Variants in DIP2C observed in about 807,000 individuals in gnomAD.
DIP2C encodes disco-interacting protein 2 homolog C.
Under a neutral mutation model 192.4 loss-of-function variants are expected in DIP2C, and 33 were observed. That is an observed-to-expected ratio of 0.17 (90% CI 0.13 to 0.23). The LOEUF is 0.23. DIP2C is among the 10% of genes least tolerant of loss of function. The pLI, the probability that DIP2C is intolerant of heterozygous loss-of-function variation, is 1.00. For synonymous variants in DIP2C, 979 were observed against 864.1 expected (o/e 1.13, Z -2.33); for missense variants, 1,537 against 2,110.1 (o/e 0.73, Z 5.32).
At chr10:522,455 T>G (rs969297709) in intron 1 of DIP2C, among the ~76,000 whole-genome samples, 1 of 152,266 alleles carries the variant, frequency 6.6e-6, no homozygotes, top group African/African-American at 2.4e-5. Context: ...GTTGCTCCTG[T>G]GGTCGGAGTG....
intron 1 of DIP2C, among the ~76,000 whole-genome samples, chr10:687,060 A>G (rs1478999666): frequency 6.6e-6 from 1 of 152,252 alleles, no homozygotes; most frequent in Non-Finnish European, 1.5e-5. Flanking sequence ...AATGATGACA[A>G]CCAACTTAAA....
intron 4 of DIP2C, among the ~76,000 whole-genome samples, chr10:438,528 T>C (rs544702643): frequency 6.6e-6 from 1 of 152,180 alleles, no homozygotes; most frequent in Non-Finnish European, 1.5e-5. Flanking sequence ...CTTCCTCTGT[T>C]GCCCAGGCTG....
intron 9 of DIP2C, among the ~76,000 whole-genome samples, chr10:400,687 G>T (rs1475011953): frequency 1.4e-5 from 2 of 145,448 alleles, no homozygotes; most frequent in African/African-American, 5.1e-5. Flanking sequence ...TTTGGTATGT[G>T]TTCATCAGCA....
In DIP2C at chr10:479,085, G is replaced by T. The variant is rs532342955; in HGVS notation, c.158-6536C>A. ...TCTGTATTTTCAGGTCTGTCCCAGA[G>T]CAGTTTCTAAATCCAGTCCCATTCT... On this transcript the variant is annotated intron_variant, in intron 2 of 36. Coordinates refer to ENST00000280886, the MANE Select transcript of DIP2C (RefSeq NM_014974.3). Among the ~76,000 whole-genome samples the T allele has an allele frequency of 5.9e-5, 9 of 152,304 alleles. No individual in the cohort carries two copies. The East Asian group carries it at 1.7e-3, about 29-fold the overall frequency.
At chr10:617,662 C>CCCT (rs1853565500) in intron 1 of DIP2C, among the ~76,000 whole-genome samples, 2 of 150,482 alleles carry the variant, frequency 1.3e-5, no homozygotes, top group African/African-American at 4.9e-5. Context: ...ACCACCCCCC[C>CCCT]ACCCCCACCC....
At chr10:679,759 T>A (rs1004966433) in intron 1 of DIP2C, among the ~76,000 whole-genome samples, 1 of 151,964 alleles carries the variant, frequency 6.6e-6, no homozygotes, top group African/African-American at 2.4e-5. Flanking sequence ...CCCATGCCCA[T>A]GATCCCCGCA....
chr10:556,828 A>G (rs1312209807), intron 1 of DIP2C, among the ~76,000 whole-genome samples: 1 of 152,208 alleles, frequency 6.6e-6, no homozygotes, highest in East Asian at 1.9e-4. Context: ...ACAGAGAGGA[A>G]CATGCTGTGA....
intron 1 of DIP2C, among the ~76,000 whole-genome samples, chr10:660,406 G>C (rs2132075001): frequency 6.7e-6 from 1 of 149,948 alleles, no homozygotes; most frequent in East Asian, 2.0e-4. Flanking sequence ...CCTTGTCCCT[G>C]TTTCAAGCTC....
intron 1 of DIP2C, among the ~76,000 whole-genome samples, chr10:607,761 G>A (rs1484758299): frequency 1.3e-5 from 2 of 152,184 alleles, no homozygotes; most frequent in African/African-American, 4.8e-5. Context: ...TCTGTCTTCA[G>A]AGACAATGGA....
intron 1 of DIP2C, among the ~76,000 whole-genome samples, chr10:544,132 C>T (rs141809963): frequency 1.3e-5 from 2 of 150,614 alleles, no homozygotes; most frequent in Admixed American, 6.6e-5. Flanking sequence ...TGAGTGGAAT[C>T]GCACAGTGCG....
intron 1 of DIP2C, among the ~76,000 whole-genome samples, chr10:589,765 G>A (rs1426037556): frequency 6.6e-6 from 1 of 152,190 alleles, no homozygotes; most frequent in African/African-American, 2.4e-5. Context: ...CAGGAGAGTA[G>A]AGGCACTGCC....
intron 1 of DIP2C, among the ~76,000 whole-genome samples, chr10:591,870 G>GA (rs776037401): frequency 9.2e-5 from 14 of 152,218 alleles, no homozygotes; most frequent in Non-Finnish European, 2.1e-4. Flanking sequence ...AGCCAGAGGG[G>GA]AAGACAGCGG....
intron 1 of DIP2C, among the ~76,000 whole-genome samples, chr10:508,970 A>C (rs957503873): frequency 1.3e-5 from 2 of 152,090 alleles, no homozygotes; most frequent in African/African-American, 4.8e-5. Flanking sequence ...CATCCTGGGC[A>C]CCCCTTCACA....
chr10:421,764 C>A (rs1378324553), intron 5 of DIP2C, among the ~76,000 whole-genome samples: 1 of 151,940 alleles, frequency 6.6e-6, no homozygotes, highest in East Asian at 1.9e-4. Context: ...TTTTCCTCAC[C>A]AAAAGCCTAA....
At chr10:686,950 G>A (rs1440765088) in intron 1 of DIP2C, among the ~76,000 whole-genome samples, 1 of 152,242 alleles carries the variant, frequency 6.6e-6, no homozygotes, top group Admixed American at 6.5e-5. Flanking sequence ...TTCAGTCTAT[G>A]TTATGTGCTT....
At chr10:411,251 A>G (rs1456685910) in intron 8 of DIP2C, among the ~76,000 whole-genome samples, 1 of 152,258 alleles carries the variant, frequency 6.6e-6, no homozygotes, top group Admixed American at 6.5e-5. Context: ...AGCCAGATGA[A>G]CGTATAGGTC....
chr10:584,191 A>G (rs1287725959), intron 1 of DIP2C, among the ~76,000 whole-genome samples: 3 of 152,218 alleles, frequency 2.0e-5, no homozygotes, highest in African/African-American at 4.8e-5. Context: ...GCAGACAGGA[A>G]AAGAAAAATA....
At chr10:637,844 G>A (rs1029396794) in intron 1 of DIP2C, among the ~76,000 whole-genome samples, 1 of 152,208 alleles carries the variant, frequency 6.6e-6, no homozygotes, top group African/African-American at 2.4e-5. Context: ...TGAGTGCCCT[G>A]GTCTGCATGA....
Position 344,864 on chromosome 10 carries a change from G to A in DIP2C, c.3398C>T (p.Thr1133Ile), listed in dbSNP as rs866094520. ...AQICKPCNPDTLAYLDFSVST... is the reference protein window; with the variant it reads ...AQICKPCNPDILAYLDFSVST... ...CACGCTGAAGTCGAGATATGCAAGA[G>A]TGTCTGGGTTGCAAGGTTTGCAGAT... Residue 1133 changes from threonine to isoleucine, a missense_variant, in exon 28 of 37, where the codon ACT becomes ATT. Physicochemically the swap from Thr to Ile is moderately conservative, Grantham distance 89. Around this residue, in one of 4 missense-constraint regions of DIP2C, gnomAD observed 46 missense variants for 28.9 expected, o/e 1.59. Transcript: ENST00000280886. 6.2e-7 allele frequency: 1 copy of A among 1,607,068 alleles called. No individual in the cohort carries two copies. The highest frequency in any genetic ancestry group is 1.3e-5 in the African/African-American group (1 of 74,840).
Sources: allele counts gnomAD v4.1 joint callset (sites outside exome capture counted in the v4.1 genomes callset), GRCh38; gene constraint gnomAD v4.1.1; regional missense constraint gnomAD v4.1.1; transcripts MANE v1.5; gene names NCBI Gene and HGNC (gene_info 2026-07-23, HGNC 2026-07-21).